Variants in GUCY1A2 observed in about 807,000 individuals in gnomAD.
GUCY1A2 encodes guanylate cyclase soluble subunit alpha-2.
In GUCY1A2, 27 loss-of-function variants were observed where a neutral mutation model predicts 63.5. The ratio of observed to expected loss-of-function variants is 0.43; its 90% confidence interval spans 0.31 to 0.59. The LOEUF (loss-of-function observed/expected upper bound fraction) is 0.59, where lower values mean the gene tolerates loss of function less well. Among genes scored for constraint, GUCY1A2 ranks in the 20% least tolerant of loss-of-function variants. The pLI is 0.11. For synonymous variants in GUCY1A2, 364 were observed against 343.5 expected (o/e 1.06, Z -0.66); for missense variants, 768 against 913.3 (o/e 0.84, Z 2.05).
intron 6 of GUCY1A2, among the ~76,000 whole-genome samples, chr11:106,721,984 T>G (rs1034280899): frequency 6.6e-6 from 1 of 152,206 alleles, no homozygotes; most frequent in African/African-American, 2.4e-5. Context: ...GCCAAATCAT[T>G]GCTGCATCAT....
intron 4 of GUCY1A2, 46 bp from the exon 5 acceptor site, chr11:106,810,524 G>A: frequency 6.8e-7 from 1 of 1,479,698 alleles, no homozygotes; most frequent in East Asian, 2.3e-5. Context: ...TCACATAGTA[G>A]GTTCACAAAA....
rs187107779 is a variant in GUCY1A2, at chr11:106,727,538, G to T, written c.1837-18872C>A. ...ATTCTTAATTTCTTATGCCCCTGAA[G>T]AATTTTCAATCTACTAAACACAGTA... On this transcript the variant is annotated intron_variant, in intron 6 of 7. Transcript: ENST00000526355. 5.2e-3 allele frequency among the ~76,000 whole-genome samples: 785 copies of T among 152,156 alleles called. 6 individuals are homozygous for T. Among genetic ancestry groups the T allele is most frequent in the African/African-American group, 0.018 (753 of 41,508 alleles).
At chr11:106,930,843 A>T (rs1860591279) in intron 4 of GUCY1A2, among the ~76,000 whole-genome samples, 1 of 152,250 alleles carries the variant, frequency 6.6e-6, no homozygotes, top group Admixed American at 6.5e-5. Flanking sequence ...TGGCAAGCCA[A>T]GGCAGGCGGA....
chr11:106,846,412 A>G (rs1859274483), intron 4 of GUCY1A2, among the ~76,000 whole-genome samples: 1 of 151,634 alleles, frequency 6.6e-6, no homozygotes, highest in Non-Finnish European at 1.5e-5. Flanking sequence ...TTTAAAATCC[A>G]AAGTTGGTGG....
chr11:106,998,224 T>C (rs917570658), intron 1 of GUCY1A2, among the ~76,000 whole-genome samples: 1 of 152,194 alleles, frequency 6.6e-6, no homozygotes, highest in Non-Finnish European at 1.5e-5. Context: ...CTATGTAGTA[T>C]TTCTGGCCAT....
At chr11:106,889,225 AG>A (rs1313351195) in intron 4 of GUCY1A2, among the ~76,000 whole-genome samples, 1 of 152,196 alleles carries the variant, frequency 6.6e-6, no homozygotes, top group Non-Finnish European at 1.5e-5. Context: ...ATACATTCTC[AG>A]AAGTTTAGAC....
intron 2 of GUCY1A2, among the ~76,000 whole-genome samples, chr11:106,981,402 G>A (rs1429223017): frequency 6.7e-6 from 1 of 148,788 alleles, no homozygotes; most frequent in African/African-American, 2.5e-5. Flanking sequence ...ATGACTATAA[G>A]AATTGGTGTC....
chr11:106,704,149 G>T (rs1862865758), intron 7 of GUCY1A2, among the ~76,000 whole-genome samples: 2 of 152,082 alleles, frequency 1.3e-5, no homozygotes, highest in Non-Finnish European at 2.9e-5. Context: ...TCCAGATGAG[G>T]TCTGTAATCC....
intron 4 of GUCY1A2, among the ~76,000 whole-genome samples, chr11:106,932,155 C>A (rs1944209): frequency 0.032 from 4,909 of 152,060 alleles, 257 homozygotes; most frequent in African/African-American, 0.11. Context: ...AACCTACAAA[C>A]CTTTAATAGA....
intron 6 of GUCY1A2, among the ~76,000 whole-genome samples, chr11:106,766,962 C>T (rs1272210467): frequency 6.6e-6 from 1 of 152,030 alleles, no homozygotes; most frequent in Non-Finnish European, 1.5e-5. Context: ...CTATTCTTTA[C>T]ATAAACGTCA....
intron 1 of GUCY1A2, among the ~76,000 whole-genome samples, chr11:107,015,742 C>CG (rs1299564668): frequency 6.6e-6 from 1 of 152,086 alleles, no homozygotes; most frequent in Non-Finnish European, 1.5e-5. Context: ...TACAGACGCT[C>CG]GGGGTCATTG....
At position 106,962,540 on chromosome 11, in the gene GUCY1A2, G is replaced by A. The variant is rs1156489308; in HGVS notation, c.487+16079C>T. On this transcript the variant is annotated intron_variant, in intron 3 of 7. Transcript: ENST00000526355. ...ACAGCACTCCAGCCTGGGCAACAGA[G>A]CAAGACTCCATCTCAAAAAAAAAAA... Among the ~76,000 whole-genome samples the A allele has an allele frequency of 3.4e-5, 5 of 145,156 alleles. No homozygotes were observed. The East Asian group carries it at 9.8e-4, about 28-fold the overall frequency.
intron 5 of GUCY1A2, among the ~76,000 whole-genome samples, chr11:106,799,622 C>G (rs147727910): frequency 0.027 from 4,151 of 152,110 alleles, 169 homozygotes; most frequent in African/African-American, 0.094. Context: ...ACAAACCTGA[C>G]AAAAACAAGA....
At chr11:106,825,505 T>C (rs566410245) in intron 4 of GUCY1A2, among the ~76,000 whole-genome samples, 5 of 151,648 alleles carry the variant, frequency 3.3e-5, no homozygotes, top group African/African-American at 1.2e-4. Flanking sequence ...TTACAAAAAA[T>C]GTAAAATATT....
intron 5 of GUCY1A2, among the ~76,000 whole-genome samples, chr11:106,782,340 G>T (rs1324942011): frequency 3.3e-5 from 5 of 152,134 alleles, no homozygotes; most frequent in Non-Finnish European, 7.3e-5. Flanking sequence ...AAGAGATATT[G>T]GAATAAGATG....
intron 5 of GUCY1A2, among the ~76,000 whole-genome samples, chr11:106,803,015 CTT>C (rs1858632157): frequency 6.6e-6 from 1 of 152,134 alleles, no homozygotes; most frequent in South Asian, 2.1e-4. Context: ...CCTCAAAACA[CTT>C]TGAAAAATTC....
chr11:106,871,923 T>C lies in GUCY1A2; in HGVS notation c.1207-61445A>G, dbSNP rs547340051. 2.0e-5 allele frequency among the ~76,000 whole-genome samples: 3 copies of C among 152,304 alleles called. No individual in the cohort carries two copies. In the East Asian group the frequency reaches 5.8e-4, roughly 29 times the overall value. ...ACTAATTAGTCAAATCCCTGAAGTATTTTATATTGCAAATTCTGCATATTA... is the reference window on the plus strand; with the variant it reads ...ACTAATTAGTCAAATCCCTGAAGTACTTTATATTGCAAATTCTGCATATTA... On this transcript the variant is annotated intron_variant, in intron 4 of 7. Transcript: ENST00000526355.
chr11:106,744,028 C>T (rs1201368055), intron 6 of GUCY1A2, among the ~76,000 whole-genome samples: 1 of 152,052 alleles, frequency 6.6e-6, no homozygotes, highest in Non-Finnish European at 1.5e-5. Context: ...GAATGAACGA[C>T]CAAGAAGACC....
At chr11:106,736,579 A>T (rs907760365) in intron 6 of GUCY1A2, among the ~76,000 whole-genome samples, 4 of 152,150 alleles carry the variant, frequency 2.6e-5, no homozygotes, top group African/African-American at 9.6e-5. Context: ...CTCCAGTCTT[A>T]TTCTTTTTGC....
Sources: gnomAD v4.1 joint callset for allele counts (sites outside exome capture counted in the v4.1 genomes callset) on GRCh38, gnomAD v4.1.1 for gene constraint, MANE v1.5 for transcripts, NCBI Gene and HGNC (gene_info 2026-07-23, HGNC 2026-07-21) for gene names.